Variants in AP1S3 observed in about 807,000 individuals in gnomAD.
AP1S3 encodes the protein AP-1 complex subunit sigma-3.
A neutral mutation model predicts 20.9 loss-of-function variants in AP1S3; 10 were observed. That is an observed-to-expected ratio of 0.48 (90% CI 0.29 to 0.81). The LOEUF is 0.81. AP1S3 is among the 30% of genes least tolerant of loss of function. AP1S3 has a pLI of 0.08. For synonymous variants in AP1S3, 41 were observed against 61.5 expected (o/e 0.67, Z 1.56); for missense variants, 154 against 183.8 (o/e 0.84, Z 0.94).
At position 223,775,943 on chromosome 2, in the gene AP1S3, A is replaced by G. The variant is rs1351425822; in HGVS notation, c.249T>C (p.Ile83=). Residue 83 remains isoleucine (I), a synonymous_variant, in exon 3 of 5, where the codon ATT becomes ATC. Transcript: ENST00000396654. ...CCAGCAGCTCCACGTAACGATGCAC[A>G]ATCTCTAGCGTCAAGAGCTCATTGT... is the stretch of plus-strand genomic sequence containing the variant. ...NQDNELLTLE[I]VHRYVELLDK... 2.5e-6 allele frequency: 4 copies of G among 1,614,072 alleles called. No individual in the cohort carries two copies. The highest frequency in any genetic ancestry group is 1.1e-5 in the South Asian group (1 of 91,078).
At chr2:223,823,707 T>C (rs2106127753) in intron 1 of AP1S3, among the ~76,000 whole-genome samples, 1 of 152,316 alleles carries the variant, frequency 6.6e-6, no homozygotes, top group African/African-American at 2.4e-5. Context: ...CAATGTATTA[T>C]ATACTTGAAA....
At chr2:223,821,648 C>G (rs1393960521) in intron 1 of AP1S3, among the ~76,000 whole-genome samples, 1 of 152,134 alleles carries the variant, frequency 6.6e-6, no homozygotes, top group African/African-American at 2.4e-5. Context: ...AATGCAGCCA[C>G]GTGCCCCCTA....
At chr2:223,760,985 C>T (rs149439057) in intron 4 of AP1S3, among the ~76,000 whole-genome samples, 85 of 152,252 alleles carry the variant, frequency 5.6e-4, no homozygotes, top group Non-Finnish European at 1.1e-3. Flanking sequence ...GGTTCAGTGG[C>T]CTCTAGTCAT....
intron 1 of AP1S3, among the ~76,000 whole-genome samples, chr2:223,822,645 T>C (rs968890814): frequency 1.3e-5 from 2 of 151,580 alleles, no homozygotes; most frequent in African/African-American, 4.9e-5. Context: ...GATCGCGCCA[T>C]TGCACTCCAG....
chr2:223,768,777 C>A (rs927122079), intron 3 of AP1S3, among the ~76,000 whole-genome samples: 12 of 152,154 alleles, frequency 7.9e-5, no homozygotes, highest in Non-Finnish European at 1.8e-4. Context: ...ATCACTTGAA[C>A]CCAGGAGGCA....
chr2:223,780,854 T>C (rs1439439255), intron 1 of AP1S3, among the ~76,000 whole-genome samples: 1 of 152,082 alleles, frequency 6.6e-6, no homozygotes, highest in Non-Finnish European at 1.5e-5. Context: ...GTATATTGCA[T>C]GATGCTGAGG....
At chr2:223,770,475 G>T in intron 3 of AP1S3, 23 of 856,320 alleles carry the variant, frequency 2.7e-5, no homozygotes, top group East Asian at 1.4e-4. Flanking sequence ...AGGTAAGGTG[G>T]TATTCAGAGT....
chr2:223,770,697 A>C (rs1399457863), intron 3 of AP1S3, among the ~76,000 whole-genome samples: 2 of 150,520 alleles, frequency 1.3e-5, no homozygotes, highest in African/African-American at 4.9e-5. Context: ...GAATGAGAGA[A>C]AATATCCAGG....
At chr2:223,794,269 C>T (rs144494933) in intron 1 of AP1S3, among the ~76,000 whole-genome samples, 113 of 152,142 alleles carry the variant, frequency 7.4e-4, no homozygotes, top group African/African-American at 2.6e-3. Flanking sequence ...TTAGAGAACA[C>T]TAACGCCTAT....
intron 1 of AP1S3, among the ~76,000 whole-genome samples, chr2:223,825,738 C>T (rs933012419): frequency 1.4e-4 from 21 of 152,208 alleles, no homozygotes; most frequent in African/African-American, 4.6e-4. Flanking sequence ...CAAAGATTGC[C>T]GGCCATGGTG....
intron 1 of AP1S3, among the ~76,000 whole-genome samples, chr2:223,819,130 G>A (rs1691925461): frequency 6.6e-6 from 1 of 152,114 alleles, no homozygotes; most frequent in South Asian, 2.1e-4. Flanking sequence ...TCTCTACATG[G>A]TGACTTCCAT....
intron 1 of AP1S3, among the ~76,000 whole-genome samples, chr2:223,790,431 C>T (rs1159917426): frequency 2.0e-5 from 3 of 151,954 alleles, no homozygotes; most frequent in Non-Finnish European, 4.4e-5. Flanking sequence ...GATGGGGTTT[C>T]GCCATGTTAG....
chr2:223,799,663 C>A (rs374145560), intron 1 of AP1S3, among the ~76,000 whole-genome samples: 6 of 151,994 alleles, frequency 3.9e-5, no homozygotes, highest in African/African-American at 1.5e-4. Flanking sequence ...TAGTAGCTAC[C>A]ACAGTGAGGT....
chr2:223,756,017 G>A lies in AP1S3; in HGVS notation c.*2698C>T, dbSNP rs187907716. On this transcript the variant is annotated 3_prime_UTR_variant, in exon 5 of 5. Coordinates refer to ENST00000396654, the MANE Select transcript of AP1S3 (RefSeq NM_001039569.2). ...GAAAAACTATGATGGATTTACATGA[G>A]GTCCATCTTTACAAAATTGTATTGA... is the stretch of plus-strand genomic sequence containing the variant. The A allele has an allele frequency of 4.3e-4, 426 of 985,376 alleles. No individual in the cohort carries two copies. In the African/African-American group the frequency reaches 7.2e-3, roughly 17 times the overall value. 61.0% of individuals were successfully genotyped at this position (985,376 alleles called of 1,614,324 possible).
intron 1 of AP1S3, among the ~76,000 whole-genome samples, chr2:223,802,019 A>G (rs1258752953): frequency 1.3e-5 from 2 of 152,208 alleles, no homozygotes; most frequent in African/African-American, 4.8e-5. Context: ...GAGGCCATCT[A>G]ACTAGTTTAG....
At chr2:223,816,737 T>C (rs572416235) in intron 1 of AP1S3, among the ~76,000 whole-genome samples, 2 of 152,328 alleles carry the variant, frequency 1.3e-5, no homozygotes, top group South Asian at 4.1e-4. Context: ...TATGAGGCTT[T>C]TGACTCTATG....
intron 1 of AP1S3, among the ~76,000 whole-genome samples, chr2:223,824,002 G>T (rs376719787): frequency 1.3e-5 from 2 of 152,062 alleles, no homozygotes; most frequent in Non-Finnish European, 2.9e-5. Context: ...ACGGTTTGTC[G>T]TTGTTTTTGT....
intron 1 of AP1S3, among the ~76,000 whole-genome samples, chr2:223,828,499 G>C (rs1035700113): frequency 1.3e-5 from 2 of 152,036 alleles, no homozygotes; most frequent in African/African-American, 4.8e-5. Flanking sequence ...CCTACCCCAT[G>C]TGCCACATCT....
chr2:223,788,245 C>G (rs1040789412), intron 1 of AP1S3, among the ~76,000 whole-genome samples: 18 of 151,854 alleles, frequency 1.2e-4, no homozygotes, highest in Non-Finnish European at 2.1e-4. Context: ...CTGCGCCAGG[C>G]TGGACTGCCA....
Sources: allele counts gnomAD v4.1 joint callset (sites outside exome capture counted in the v4.1 genomes callset), GRCh38; gene constraint gnomAD v4.1.1; transcripts MANE v1.5; gene names NCBI Gene and HGNC (gene_info 2026-07-23, HGNC 2026-07-21).